The following KCNJ3 variants were observed in gnomAD, a reference collection of about 807,000 sequenced individuals.
KCNJ3 encodes the protein G protein-activated inward rectifier potassium channel 1.
Under a neutral mutation model 39.2 loss-of-function variants are expected in KCNJ3, and 4 were observed. The observed-to-expected ratio is 0.10, with a 90% CI of 0.05 to 0.23. The LOEUF (loss-of-function observed/expected upper bound fraction) is 0.23, where lower values mean the gene tolerates loss of function less well. Ranked by LOEUF, KCNJ3 falls within the 10% of genes least tolerant of loss-of-function variation. KCNJ3 has a pLI of 1.00. For missense variants in KCNJ3, 276 were observed against 634.9 expected (o/e 0.43, Z 6.08); for synonymous variants, 230 against 237.4 (o/e 0.97, Z 0.29).
chr2:154,847,888 A>C (rs1447100755), intron 2 of KCNJ3, among the ~76,000 whole-genome samples: 2 of 152,068 alleles, frequency 1.3e-5, no homozygotes, highest in South Asian at 2.1e-4. Context: ...CCGATGCTTT[A>C]CCCTCTCTGC....
At chr2:154,844,939 G>A (rs1254986295) in intron 2 of KCNJ3, among the ~76,000 whole-genome samples, 10 of 152,002 alleles carry the variant, frequency 6.6e-5, no homozygotes, top group South Asian at 2.1e-4. Context: ...GCTTCAGCTC[G>A]CCCTCTGTGG....
chr2:154,772,733 T>C (rs1288018194), intron 2 of KCNJ3, among the ~76,000 whole-genome samples: 1 of 152,062 alleles, frequency 6.6e-6, no homozygotes, highest in African/African-American at 2.4e-5. Context: ...TCATTCTGCA[T>C]TATTGTCCTT....
At chr2:154,749,196 CT>C (rs1685796538) in intron 2 of KCNJ3, among the ~76,000 whole-genome samples, 1 of 152,030 alleles carries the variant, frequency 6.6e-6, no homozygotes, top group Non-Finnish European at 1.5e-5. Flanking sequence ...CCACTGAACA[CT>C]AAGTAATAGA....
chr2:154,842,229 G>T (rs1687588866), intron 2 of KCNJ3, among the ~76,000 whole-genome samples: 1 of 152,166 alleles, frequency 6.6e-6, no homozygotes, highest in East Asian at 1.9e-4. Flanking sequence ...AAGTTGTTCA[G>T]TTTCCATGTA....
At chr2:154,723,681 G>C (rs887586249) in intron 2 of KCNJ3, among the ~76,000 whole-genome samples, 1 of 152,038 alleles carries the variant, frequency 6.6e-6, no homozygotes, top group African/African-American at 2.4e-5. Flanking sequence ...ATTTAGCTTT[G>C]TAAAAAATGC....
At chr2:154,788,774 T>G (rs1394644935) in intron 2 of KCNJ3, among the ~76,000 whole-genome samples, 1 of 150,570 alleles carries the variant, frequency 6.6e-6, no homozygotes, top group East Asian at 1.9e-4. Flanking sequence ...TGTGAGTTGT[T>G]TTTTTTTTTA....
At chr2:154,710,475 C>T (rs1045408340) in intron 2 of KCNJ3, among the ~76,000 whole-genome samples, 2 of 152,062 alleles carry the variant, frequency 1.3e-5, no homozygotes, top group African/African-American at 4.8e-5. Context: ...ATACTATTTG[C>T]TATTTTCTGA....
intron 2 of KCNJ3, among the ~76,000 whole-genome samples, chr2:154,811,988 G>C (rs1461407575): frequency 6.6e-6 from 1 of 152,110 alleles, no homozygotes; most frequent in Non-Finnish European, 1.5e-5. Context: ...AAAAAGTCCT[G>C]TTCAGCATCC....
intron 2 of KCNJ3, among the ~76,000 whole-genome samples, chr2:154,807,349 G>A (rs1686928714): frequency 6.6e-6 from 1 of 152,192 alleles, no homozygotes; most frequent in African/African-American, 2.4e-5. Flanking sequence ...GACACACATA[G>A]CACCCTTGGA....
chr2:154,831,016 T>C lies in KCNJ3; in HGVS notation c.920-23711T>C, dbSNP rs10193358. ...TTGTCAAGTCCTGTTAAATTTCCCT[T>C]CTAAATATCTTTTTGATCTATCTCT... On this transcript the variant is annotated intron_variant, in intron 2 of 2. Transcript: ENST00000295101. 7.4e-3 allele frequency among the ~76,000 whole-genome samples: 1,122 copies of C among 152,288 alleles called. 18 individuals carry two copies. The highest frequency in any genetic ancestry group is 0.026 in the African/African-American group (1,064 of 41,564).
intron 2 of KCNJ3, among the ~76,000 whole-genome samples, chr2:154,743,735 G>T (rs145138288): frequency 6.6e-6 from 1 of 151,050 alleles, no homozygotes; most frequent in Admixed American, 6.6e-5. Flanking sequence ...TTTAAAGGTT[G>T]CTATTTTTTT....
intron 2 of KCNJ3, among the ~76,000 whole-genome samples, chr2:154,839,163 T>C (rs1185004210): frequency 2.0e-5 from 3 of 152,206 alleles, no homozygotes; most frequent in Non-Finnish European, 4.4e-5. Context: ...GATCTCATTG[T>C]TCAGTTTCCA....
rs994209491 is a variant in KCNJ3 at position 154,857,667 on chromosome 2, G to A, written c.*2354G>A. 1.2e-4 allele frequency: 18 copies of A among 151,812 alleles called. No homozygotes were observed. Among genetic ancestry groups the A allele is most frequent in the African/African-American group, 4.1e-4 (17 of 41,240 alleles). 9.4% of individuals were successfully genotyped at this position (151,812 alleles called of 1,614,324 possible). ...AGGCGGAGGTTGGGGGATCACCTGAGGTCAGGAGATCGAGACCAGCCTGGA... is the reference window on the plus strand; with the variant it reads ...AGGCGGAGGTTGGGGGATCACCTGAAGTCAGGAGATCGAGACCAGCCTGGA... On this transcript the variant is annotated 3_prime_UTR_variant, in exon 3 of 3. Coordinates refer to ENST00000295101, the MANE Select transcript of KCNJ3 (RefSeq NM_002239.4).
intron 2 of KCNJ3, among the ~76,000 whole-genome samples, chr2:154,713,714 G>T (rs549478424): frequency 1.3e-4 from 20 of 152,252 alleles, no homozygotes; most frequent in South Asian, 2.1e-4. Flanking sequence ...CAAAACAGAG[G>T]TTACCTCTCA....
rs1053437764 is a variant in KCNJ3, at chr2:154,798,993, G to C, written c.920-55734G>C. On this transcript the variant is annotated intron_variant, in intron 2 of 2. Coordinates refer to ENST00000295101, the MANE Select transcript of KCNJ3 (RefSeq NM_002239.4). The stretch of plus-strand genomic sequence containing the variant: ...GTGTGTAGTGTGTGTGGTGTGTCAG[G>C]TGTGTGTATATGGTGTGTGTTGAAG... Among the ~76,000 whole-genome samples, 6 of 151,980 alleles carry C rather than the reference G, an allele frequency of 3.9e-5. No homozygotes were observed. In the Middle Eastern group the frequency reaches 0.014, roughly 345 times the overall value.
At chr2:154,799,802 A>G (rs1466112973) in intron 2 of KCNJ3, among the ~76,000 whole-genome samples, 2 of 152,146 alleles carry the variant, frequency 1.3e-5, no homozygotes, top group African/African-American at 4.8e-5. Context: ...CCTAATACTC[A>G]TCAGTGTTCT....
At chr2:154,789,271 A>G (rs1469314450) in intron 2 of KCNJ3, among the ~76,000 whole-genome samples, 1 of 152,090 alleles carries the variant, frequency 6.6e-6, no homozygotes, top group East Asian at 1.9e-4. Flanking sequence ...GACAGTGGTC[A>G]TGGGGGAAAT....
chr2:154,853,180 C>G (rs1574487553), intron 2 of KCNJ3, among the ~76,000 whole-genome samples: 1 of 150,894 alleles, frequency 6.6e-6, no homozygotes. Flanking sequence ...GAGAGAGCAC[C>G]TAACACAGTG....
chr2:154,807,031 T>C (rs1350272521), intron 2 of KCNJ3, among the ~76,000 whole-genome samples: 1 of 152,200 alleles, frequency 6.6e-6, no homozygotes, highest in Admixed American at 6.6e-5. Flanking sequence ...AATGGTGTCA[T>C]TGATAATTTC....
Sources: gnomAD v4.1 joint callset for allele counts (sites outside exome capture counted in the v4.1 genomes callset) on GRCh38, gnomAD v4.1.1 for gene constraint, MANE v1.5 for transcripts, NCBI Gene and HGNC (gene_info 2026-07-23, HGNC 2026-07-21) for gene names.